NCOA1: variants seen among roughly 807,000 people sequenced by gnomAD.
NCOA1 encodes nuclear receptor coactivator 1, also known as Hin-2 protein.
Under a neutral mutation model 150.9 loss-of-function variants are expected in NCOA1, and 35 were observed. That is an observed-to-expected ratio of 0.23 (90% confidence interval 0.18 to 0.31). The LOEUF is 0.31. Among genes scored for constraint, NCOA1 ranks in the 10% least tolerant of loss-of-function variants. The pLI is 1.00. For synonymous variants in NCOA1, 590 were observed against 630.0 expected (o/e 0.94, Z 0.95); for missense variants, 1,491 against 1,749.3 (o/e 0.85, Z 2.63).
intron 6 of NCOA1, 105 bp from the exon 7 acceptor site, chr2:24,673,261 T>C: frequency 1.5e-6 from 1 of 671,786 alleles, no homozygotes; most frequent in East Asian, 3.0e-5. Context: ...ACTGACTAAA[T>C]GTTATTTGAA....
chr2:24,641,943 C>A (rs1017251328), intron 3 of NCOA1, among the ~76,000 whole-genome samples: 1 of 151,850 alleles, frequency 6.6e-6, no homozygotes. Flanking sequence ...AATACTATTT[C>A]TGCCCCAGTG....
rs573730344 is a variant in NCOA1, at chr2:24,591,971, G to A, written c.-175+7411G>A. On this transcript the variant is annotated intron_variant, in intron 3 of 22. Coordinates refer to ENST00000348332, the MANE Select transcript of NCOA1 (RefSeq NM_003743.5). ...TCTTCCTAGCACATTAACACAATTT[G>A]CAATCATGTATTTAATGTCTCTTTT... Among the ~76,000 whole-genome samples, 73 of 151,998 alleles carry A rather than the reference G, an allele frequency of 4.8e-4. 1 individual carries two copies. In the South Asian group the frequency reaches 0.015, roughly 30 times the overall value.
intron 3 of NCOA1, among the ~76,000 whole-genome samples, chr2:24,622,073 A>T (rs889579508): frequency 1.3e-5 from 2 of 152,238 alleles, no homozygotes; most frequent in Non-Finnish European, 2.9e-5. Flanking sequence ...AGCAAAATAG[A>T]TGATGAACAT....
rs1433029171 is a variant in NCOA1 at position 24,762,781 on chromosome 2, G to C, written c.4155+5G>C. On this transcript the variant is annotated splice_donor_5th_base_variant and intron_variant, in intron 22 of 22. Coordinates refer to ENST00000348332, the MANE Select transcript of NCOA1 (RefSeq NM_003743.5). ...ACAGAAGCAGATGGAACCCAGGTCA[G>C]TAAGGAAATTCTAAGCCCAGAGCTG... 9 of 1,612,018 alleles carry C rather than the reference G, an allele frequency of 5.6e-6. No individual in the cohort carries two copies. Among genetic ancestry groups the C allele is most frequent in the Admixed American group, 1.7e-5 (1 of 60,000 alleles).
intron 22 of NCOA1, among the ~76,000 whole-genome samples, chr2:24,766,263 C>A (rs1188478665): frequency 1.3e-5 from 2 of 152,266 alleles, no homozygotes; most frequent in East Asian, 3.9e-4. Context: ...TTTTATCATG[C>A]CTTTATCAAG....
Position 24,728,698 on chromosome 2 carries a change from A to C in NCOA1, c.2886+222A>C, listed in dbSNP as rs555487397. On this transcript the variant is annotated intron_variant, in intron 16 of 22. Coordinates refer to ENST00000348332, the MANE Select transcript of NCOA1 (RefSeq NM_003743.5). The stretch of plus-strand genomic sequence containing the variant: ...GCTTTTCACTATGGAACAGAATCTT[A>C]CAAGCTCCAGCCAGAATAGAATCCA... Among the ~76,000 whole-genome samples the C allele has an allele frequency of 8.5e-5, 13 of 152,316 alleles. No individual in the cohort carries two copies. In the South Asian group the frequency reaches 2.7e-3, roughly 32 times the overall value.
chr2:24,762,862 C>CT, intron 22 of NCOA1, 86 bp downstream of exon 22: 1 of 1,224,456 alleles, frequency 8.2e-7, no homozygotes, highest in Non-Finnish European at 1.2e-6. Flanking sequence ...AGAGCCTGAC[C>CT]TTGGGAGTCA....
At chr2:24,516,977 C>CATATACGTATATATACTTGTAT (rs70947822) in intron 1 of NCOA1, among the ~76,000 whole-genome samples, 3 of 58,998 alleles carry the variant, frequency 5.1e-5, no homozygotes, top group East Asian at 1.2e-3. Context: ...TATATATACA[C>CATATACGTATATATACTTGTAT]ATATACGTAT....
rs1013058300 is a variant in NCOA1, at chr2:24,491,291, G to T, written c.-707G>T. 2.2e-4 allele frequency among the ~76,000 whole-genome samples: 33 copies of T among 147,350 alleles called. No individual in the cohort carries two copies. Among genetic ancestry groups the T allele is most frequent in the Non-Finnish European group, 3.9e-4 (26 of 66,260 alleles). ...GGCCGAGGAGGAGAACATGGCGGCC[G>T]CGGAGAGCGGCTGAAATGCCTGTTC... is the stretch of plus-strand genomic sequence containing the variant. On this transcript the variant is annotated 5_prime_UTR_variant, in exon 1 of 23. Transcript: ENST00000348332.
intron 7 of NCOA1, among the ~76,000 whole-genome samples, chr2:24,674,165 C>A (rs1671802277): frequency 7.5e-6 from 1 of 133,282 alleles, no homozygotes; most frequent in Non-Finnish European, 1.7e-5. Context: ...ATATTTCTAT[C>A]TCTAGGTCTA....
At chr2:24,752,417 TC>T (rs1438071479) in intron 20 of NCOA1, among the ~76,000 whole-genome samples, 2 of 152,232 alleles carry the variant, frequency 1.3e-5, no homozygotes, top group African/African-American at 4.8e-5. Flanking sequence ...ATTGGCTACT[TC>T]CATTTGCATA....
intron 1 of NCOA1, among the ~76,000 whole-genome samples, chr2:24,514,780 A>G (rs895729119): frequency 6.6e-6 from 1 of 152,192 alleles, no homozygotes; most frequent in Non-Finnish European, 1.5e-5. Flanking sequence ...GTCTCAAAAA[A>G]AACAAGAAAA....
At chr2:24,564,525 T>C (rs1315903483) in intron 2 of NCOA1, 95 bp downstream of exon 2, 1 of 152,250 alleles carries the variant, frequency 6.6e-6, no homozygotes, top group Non-Finnish European at 1.5e-5. Context: ...TTAAAAGTAC[T>C]TATATGTTAG....
intron 11 of NCOA1, among the ~76,000 whole-genome samples, chr2:24,700,516 G>T (rs1406215723): frequency 6.6e-6 from 1 of 152,088 alleles, no homozygotes; most frequent in African/African-American, 2.4e-5. Flanking sequence ...CTGTCAAAAG[G>T]AGTTTACTAT....
chr2:24,693,233 C>T lies in NCOA1; in HGVS notation c.713-19C>T. The T allele has an allele frequency of 6.2e-7, 1 of 1,609,498 alleles. No homozygotes were observed. Among genetic ancestry groups the T allele is most frequent in the Non-Finnish European group, 8.5e-7 (1 of 1,175,846 alleles). On this transcript the variant is annotated intron_variant, in intron 9 of 22. Coordinates refer to ENST00000348332, the MANE Select transcript of NCOA1 (RefSeq NM_003743.5). ...TTTCTACTCTCTATCCTTCAATTTC[C>T]CCGTCTTGTTTTGGGCAGATTTCCA... is the stretch of plus-strand genomic sequence containing the variant.
chr2:24,637,937 C>G (rs1670013452), intron 3 of NCOA1, among the ~76,000 whole-genome samples: 1 of 152,162 alleles, frequency 6.6e-6, no homozygotes. Flanking sequence ...CTCAAGTGAT[C>G]TGCCCACCTC....
intron 4 of NCOA1, among the ~76,000 whole-genome samples, chr2:24,649,709 T>G (rs1670628226): frequency 6.6e-6 from 1 of 152,220 alleles, no homozygotes; most frequent in Non-Finnish European, 1.5e-5. Context: ...TAAAACTAAT[T>G]TGGTTTTCCT....
At chr2:24,560,761 A>G (rs1666263714) in intron 1 of NCOA1, among the ~76,000 whole-genome samples, 1 of 152,206 alleles carries the variant, frequency 6.6e-6, no homozygotes, top group African/African-American at 2.4e-5. Context: ...TTGCAAGTTT[A>G]TGAGCATAAT....
intron 14 of NCOA1, 144 bp downstream of exon 14, chr2:24,711,255 T>C (rs758434341): frequency 1.4e-4 from 104 of 762,674 alleles, no homozygotes; most frequent in Non-Finnish European, 1.9e-4. Context: ...AAAACAGTTA[T>C]ATTTAGGCAT....
Sources: allele counts gnomAD v4.1 joint callset (sites outside exome capture counted in the v4.1 genomes callset), GRCh38; gene constraint gnomAD v4.1.1; transcripts MANE v1.5; gene names NCBI Gene and HGNC (gene_info 2026-07-23, HGNC 2026-07-21).